CADPS: variants seen among roughly 807,000 people sequenced by gnomAD.
CADPS encodes the protein calcium dependent secretion activator.
In CADPS, 57 loss-of-function variants were observed where a neutral mutation model predicts 167.3. That is an observed-to-expected ratio of 0.34 (90% confidence interval 0.28 to 0.42). The LOEUF (loss-of-function observed/expected upper bound fraction) is 0.42. Among genes scored for constraint, CADPS ranks in the 20% least tolerant of loss-of-function variants. The probability of loss-of-function intolerance (pLI) is 1.00; values close to 1 mark genes in which losing one functional copy is unlikely to be tolerated. For synonymous variants in CADPS, 676 were observed against 635.3 expected, an observed-to-expected ratio of 1.06 and a Z score of -0.96; for missense variants, 1,414 against 1,738.1, an observed-to-expected ratio of 0.81 and a Z score of 3.32.
At chr3:62,836,666 A>G (rs1049448321) in intron 1 of CADPS, among the ~76,000 whole-genome samples, 1 of 152,162 alleles carries the variant, frequency 6.6e-6, no homozygotes, top group African/African-American at 2.4e-5. Context: ...GCTAAGCTGG[A>G]GAAGGTAGAT....
intron 3 of CADPS, among the ~76,000 whole-genome samples, chr3:62,740,630 T>C (rs1485769418): frequency 6.6e-6 from 1 of 152,106 alleles, no homozygotes; most frequent in Non-Finnish European, 1.5e-5. Flanking sequence ...AGCTGACCAA[T>C]CAAACCCCAT....
At chr3:62,417,273 ACTCTTTTTT>A (rs1320674303) in intron 28 of CADPS, among the ~76,000 whole-genome samples, 17 of 51,534 alleles carry the variant, frequency 3.3e-4, no homozygotes, top group African/African-American at 7.1e-4. Flanking sequence ...TTTTTCTTTT[ACTCTTTTTT>A]TTTTTTTTTT....
At chr3:62,634,089 GC>G (rs2149768364) in intron 6 of CADPS, among the ~76,000 whole-genome samples, 1 of 152,248 alleles carries the variant, frequency 6.6e-6, no homozygotes, top group Non-Finnish European at 1.5e-5. Flanking sequence ...GGGTTGTTAA[GC>G]TTTTTCTCCT....
At chr3:62,563,317 T>C (rs12634279) in intron 9 of CADPS, among the ~76,000 whole-genome samples, 9,684 of 152,274 alleles carry the variant, frequency 0.064, 336 homozygotes, top group East Asian at 0.14. Context: ...TTTTTGTGGT[T>C]AACTCATTTT....
chr3:62,731,861 G>C (rs1381668049), intron 3 of CADPS, among the ~76,000 whole-genome samples: 1 of 114,258 alleles, frequency 8.8e-6, no homozygotes, highest in African/African-American at 3.2e-5. Context: ...AGAAAGGAAA[G>C]AAAGGGTAAT....
chr3:62,720,813 T>A (rs928845818), intron 3 of CADPS, among the ~76,000 whole-genome samples: 10 of 113,906 alleles, frequency 8.8e-5, no homozygotes, highest in African/African-American at 3.5e-4. Flanking sequence ...ATATTGTTAG[T>A]TTTTTTTTTT....
At chr3:62,718,308 T>TA (rs1564257957) in intron 3 of CADPS, among the ~76,000 whole-genome samples, 8 of 152,130 alleles carry the variant, frequency 5.3e-5, no homozygotes, top group African/African-American at 1.7e-4. Flanking sequence ...ATACATTTTT[T>TA]TAAAAAAATC....
chr3:62,690,483 G>T (rs1205645643), intron 3 of CADPS, among the ~76,000 whole-genome samples: 7 of 151,822 alleles, frequency 4.6e-5, no homozygotes, highest in African/African-American at 1.5e-4. Context: ...ACTTTCCAAG[G>T]CCACAGGGAA....
chr3:62,766,222 A>C (rs1407135104), intron 1 of CADPS, among the ~76,000 whole-genome samples: 1 of 152,198 alleles, frequency 6.6e-6, no homozygotes, highest in African/African-American at 2.4e-5. Flanking sequence ...TTTAATACTT[A>C]AAATTCATTG....
chr3:62,463,842 GA>G (rs1187324133), intron 26 of CADPS, among the ~76,000 whole-genome samples: 8 of 152,212 alleles, frequency 5.3e-5, no homozygotes, highest in African/African-American at 1.9e-4. Context: ...AAGCTCCAGG[GA>G]TAGGGGCCAT....
intron 1 of CADPS, among the ~76,000 whole-genome samples, chr3:62,844,753 G>C (rs924884936): frequency 6.6e-6 from 1 of 152,182 alleles, no homozygotes; most frequent in Non-Finnish European, 1.5e-5. Flanking sequence ...GTGTAAACTA[G>C]AGAAAGCAGT....
chr3:62,828,638 C>T (rs1047708634), intron 1 of CADPS, among the ~76,000 whole-genome samples: 2 of 151,838 alleles, frequency 1.3e-5, no homozygotes, highest in African/African-American at 2.4e-5. Context: ...CAGTTGAGGG[C>T]CAAATTTGAT....
intron 1 of CADPS, among the ~76,000 whole-genome samples, chr3:62,770,056 C>A (rs2088177275): frequency 6.6e-6 from 1 of 152,190 alleles, no homozygotes; most frequent in Non-Finnish European, 1.5e-5. Context: ...CTCCACTTTG[C>A]TCTTTACTTA....
chr3:62,820,793 T>TG (rs1252071927), intron 1 of CADPS, among the ~76,000 whole-genome samples: 1 of 67,470 alleles, frequency 1.5e-5, no homozygotes, highest in Non-Finnish European at 3.7e-5. Context: ...CTCTTTTTTT[T>TG]GGTTTTTTTT....
intron 1 of CADPS, among the ~76,000 whole-genome samples, chr3:62,767,968 T>C (rs938263549): frequency 2.5e-4 from 38 of 152,170 alleles, no homozygotes; most frequent in African/African-American, 9.2e-4. Context: ...CATATCTCAA[T>C]TCAGAGTAAC....
intron 1 of CADPS, among the ~76,000 whole-genome samples, chr3:62,807,223 C>G (rs1299293111): frequency 6.6e-6 from 1 of 151,202 alleles, no homozygotes; most frequent in East Asian, 1.9e-4. Context: ...GTTTCTTGGA[C>G]AAATATCAGT....
At chr3:62,739,265 A>T (rs554953286) in intron 3 of CADPS, among the ~76,000 whole-genome samples, 6 of 152,316 alleles carry the variant, frequency 3.9e-5, no homozygotes, top group African/African-American at 1.4e-4. Flanking sequence ...TCCTAGATCA[A>T]TCCATAGTCA....
chr3:62,772,916 C>T (rs1166002634), intron 1 of CADPS, among the ~76,000 whole-genome samples: 1 of 152,108 alleles, frequency 6.6e-6, no homozygotes, highest in Non-Finnish European at 1.5e-5. Context: ...AAATTAGGTC[C>T]TTTTCTACTT....
chr3:62,577,869 T>C (rs1265518612), intron 8 of CADPS, among the ~76,000 whole-genome samples: 1 of 151,848 alleles, frequency 6.6e-6, no homozygotes, highest in Non-Finnish European at 1.5e-5. Flanking sequence ...AACAATACAA[T>C]AAAGAAGACA....
Sources: allele counts gnomAD v4.1 joint callset (sites outside exome capture counted in the v4.1 genomes callset), GRCh38; gene constraint gnomAD v4.1.1; transcripts MANE v1.5; gene names NCBI Gene and HGNC (gene_info 2026-07-23, HGNC 2026-07-21).